MIR2052HG: variants seen among roughly 807,000 people sequenced by gnomAD.
MIR2052HG encodes MIR2052 host gene.
chr8:74,721,195 G>A (rs761535653), intron 4 of MIR2052HG, among the ~76,000 whole-genome samples: 1 of 152,166 alleles, frequency 6.6e-6, no homozygotes, highest in Admixed American at 6.5e-5. Context: ...CCAGTGGATG[G>A]GCTGGGGGTT....
intron 1 of MIR2052HG, among the ~76,000 whole-genome samples, chr8:74,612,053 A>T (rs1808204242): frequency 7.4e-6 from 1 of 135,500 alleles, no homozygotes; most frequent in South Asian, 2.3e-4. Context: ...CAAGTGCTCC[A>T]CTTGCACCAC....
intron 4 of MIR2052HG, among the ~76,000 whole-genome samples, chr8:74,747,724 G>A (rs947278651): frequency 1.3e-5 from 2 of 152,112 alleles, no homozygotes; most frequent in African/African-American, 4.8e-5. Flanking sequence ...GGTAGATTTT[G>A]ATTACATTTT....
At chr8:74,720,975 C>T (rs9643690) in intron 4 of MIR2052HG, among the ~76,000 whole-genome samples, 35,206 of 152,092 alleles carry the variant, frequency 0.23, 5,235 homozygotes, top group East Asian at 0.64. Context: ...CCCACAAGGT[C>T]TCTCCCTTGA....
At chr8:74,678,525 T>A (rs1354090417) in intron 2 of MIR2052HG, among the ~76,000 whole-genome samples, 1 of 137,342 alleles carries the variant, frequency 7.3e-6, no homozygotes, top group Non-Finnish European at 1.5e-5. Context: ...ATTGTGCCAT[T>A]GCACTCCAGC....
chr8:74,610,268 A>G (rs912783646), intron 1 of MIR2052HG, among the ~76,000 whole-genome samples: 1 of 151,948 alleles, frequency 6.6e-6, no homozygotes, highest in Non-Finnish European at 1.5e-5. Flanking sequence ...AAAATTCAAT[A>G]TCATATACAA....
chr8:74,654,083 G>A (rs1257507235), intron 2 of MIR2052HG, among the ~76,000 whole-genome samples: 1 of 152,174 alleles, frequency 6.6e-6, no homozygotes, highest in Admixed American at 6.5e-5. Flanking sequence ...CACTAGGAAA[G>A]GCTATGGGTG....
intron 2 of MIR2052HG, among the ~76,000 whole-genome samples, chr8:74,683,336 C>T (rs1023557930): frequency 1.3e-5 from 2 of 151,392 alleles, no homozygotes; most frequent in South Asian, 4.2e-4. Flanking sequence ...CATTAAGTCA[C>T]TCTGTATCCC....
intron 2 of MIR2052HG, among the ~76,000 whole-genome samples, chr8:74,622,120 A>T (rs536164257): frequency 6.6e-6 from 1 of 152,356 alleles, no homozygotes; most frequent in East Asian, 1.9e-4. Context: ...GAGATGACCT[A>T]TGGAATGGGA....
intron 2 of MIR2052HG, among the ~76,000 whole-genome samples, chr8:74,649,324 G>A (rs544259269): frequency 5.3e-5 from 8 of 151,940 alleles, no homozygotes; most frequent in South Asian, 2.1e-4. Context: ...CAGTTCCTTC[G>A]GTTTTGCATT....
intron 4 of MIR2052HG, among the ~76,000 whole-genome samples, chr8:74,719,242 A>T (rs1209182751): frequency 2.6e-5 from 4 of 152,168 alleles, no homozygotes; most frequent in Non-Finnish European, 2.9e-5. Flanking sequence ...ATGACCCACA[A>T]ATTAAAATAC....
At chr8:74,715,766 G>A (rs1263117848) in intron 4 of MIR2052HG, among the ~76,000 whole-genome samples, 1 of 152,198 alleles carries the variant, frequency 6.6e-6, no homozygotes, top group Non-Finnish European at 1.5e-5. Flanking sequence ...AAAGTAATGT[G>A]TTGGTCCAGG....
chr8:74,681,122 G>A, intron 2 of MIR2052HG, among the ~76,000 whole-genome samples: 1 of 150,814 alleles, frequency 6.6e-6, no homozygotes, highest in South Asian at 2.1e-4. Context: ...TAGATGACGA[G>A]TTAGTGGGCG....
At chr8:74,738,475 CCTGGTGGCT>C (rs1809793938) in intron 4 of MIR2052HG, among the ~76,000 whole-genome samples, 1 of 152,136 alleles carries the variant, frequency 6.6e-6, no homozygotes, top group South Asian at 2.1e-4. Flanking sequence ...CTTCCAAATA[CCTGGTGGCT>C]CTTATTCTCT....
chr8:74,660,184 A>G (rs898223159), intron 2 of MIR2052HG, among the ~76,000 whole-genome samples: 4 of 152,068 alleles, frequency 2.6e-5, no homozygotes, highest in African/African-American at 9.7e-5. Context: ...CACCTGAACC[A>G]TTTTTCCTCA....
intron 2 of MIR2052HG, among the ~76,000 whole-genome samples, chr8:74,697,474 A>C (rs2128740473): frequency 6.6e-6 from 1 of 152,302 alleles, no homozygotes; most frequent in East Asian, 1.9e-4. Context: ...AGTCCTACGC[A>C]AAGCAATCAG....
At chr8:74,604,145 C>G (rs755658114) in intron 1 of MIR2052HG, 32 of 891,162 alleles carry the variant, frequency 3.6e-5, no homozygotes, top group Non-Finnish European at 5.8e-5. Context: ...TTAACTGATT[C>G]TCCTTTCTTT....
chr8:74,738,046 A>T (rs1204698307), intron 4 of MIR2052HG, among the ~76,000 whole-genome samples: 4 of 149,216 alleles, frequency 2.7e-5, no homozygotes, highest in Admixed American at 6.6e-5. Context: ...GTATGCATGT[A>T]TGTATGTATC....
chr8:74,738,692 C>T (rs1286280846), intron 4 of MIR2052HG, among the ~76,000 whole-genome samples: 2 of 152,082 alleles, frequency 1.3e-5, no homozygotes, highest in Non-Finnish European at 2.9e-5. Context: ...AGATTAATGC[C>T]ACAAAAATGG....
At chr8:74,717,018 CT>C (rs1179998297) in intron 4 of MIR2052HG, among the ~76,000 whole-genome samples, 1 of 152,004 alleles carries the variant, frequency 6.6e-6, no homozygotes, top group Non-Finnish European at 1.5e-5. Context: ...TAAAATTGTA[CT>C]TTAAGTTCCA....
Sources: gnomAD v4.1 joint callset for allele counts (sites outside exome capture counted in the v4.1 genomes callset) on GRCh38, gnomAD v4.1.1 for gene constraint, MANE v1.5 for transcripts, NCBI Gene and HGNC (gene_info 2026-07-23, HGNC 2026-07-21) for gene names.